The following CNTN5 variants were observed in gnomAD, a reference collection of about 807,000 sequenced individuals.
CNTN5 encodes the protein contactin-5.
CNTN5 carries 77 observed loss-of-function variants against 129.1 expected under a neutral mutation model. The observed-to-expected ratio is 0.60, with a 90% CI of 0.50 to 0.72. The LOEUF (loss-of-function observed/expected upper bound fraction) is 0.72. Ranked by LOEUF, CNTN5 falls within the 30% of genes least tolerant of loss-of-function variation. The pLI is 0.00. For synonymous variants in CNTN5, 509 were observed against 465.6 expected (o/e 1.09, Z -1.20); for missense variants, 1,478 against 1,328.8 (o/e 1.11, Z -1.75).
At chr11:99,936,513 A>T (rs2136096120) in intron 7 of CNTN5, among the ~76,000 whole-genome samples, 1 of 152,204 alleles carries the variant, frequency 6.6e-6, no homozygotes, top group South Asian at 2.1e-4. Flanking sequence ...TTTGAACAAG[A>T]TGAGAAGAAA....
At chr11:100,121,410 A>AT (rs1345434043) in intron 13 of CNTN5, among the ~76,000 whole-genome samples, 1 of 150,608 alleles carries the variant, frequency 6.6e-6, no homozygotes, top group East Asian at 2.0e-4. Flanking sequence ...AATAGAGGAG[A>AT]TTTTTTTCTT....
At chr11:100,155,196 T>A (rs534510368) in intron 13 of CNTN5, among the ~76,000 whole-genome samples, 1 of 152,332 alleles carries the variant, frequency 6.6e-6, no homozygotes, top group Admixed American at 6.5e-5. Context: ...TTAATTTTTG[T>A]ATAAGGTGTA....
chr11:99,313,121 T>G (rs1007905733), intron 1 of CNTN5, among the ~76,000 whole-genome samples: 22 of 151,964 alleles, frequency 1.4e-4, no homozygotes, highest in African/African-American at 5.1e-4. Context: ...TTTTTTTTTT[T>G]TTTCTATCAC....
chr11:99,264,224 T>C (rs1862777915), intron 1 of CNTN5, among the ~76,000 whole-genome samples: 1 of 151,306 alleles, frequency 6.6e-6, no homozygotes, highest in African/African-American at 2.4e-5. Flanking sequence ...TTTAATATTA[T>C]TTAATAATAT....
At chr11:100,024,145 T>C (rs1941295609) in intron 9 of CNTN5, among the ~76,000 whole-genome samples, 1 of 152,174 alleles carries the variant, frequency 6.6e-6, no homozygotes, top group Admixed American at 6.5e-5. Context: ...AACTGAATCA[T>C]GAAGGCAGTT....
At chr11:99,556,088 G>C (rs1948654279) in intron 2 of CNTN5, 57 bp from the exon 3 acceptor site, 2 of 477,740 alleles carry the variant, frequency 4.2e-6, no homozygotes, top group Middle Eastern at 6.0e-4. Context: ...TGTATTTGTT[G>C]GCTTTTCTGT....
chr11:99,326,351 A>G (rs149057020), intron 2 of CNTN5, among the ~76,000 whole-genome samples: 68 of 152,270 alleles, frequency 4.5e-4, no homozygotes, highest in African/African-American at 1.5e-3. Context: ...AGTGTACCCA[A>G]TTTCAAGGCT....
chr11:100,094,316 G>A (rs1361400805), intron 13 of CNTN5, among the ~76,000 whole-genome samples: 2 of 151,820 alleles, frequency 1.3e-5, no homozygotes, highest in African/African-American at 4.8e-5. Context: ...CCTCCAACTG[G>A]GTAAGAACTC....
At chr11:99,365,396 A>G (rs1243497619) in intron 2 of CNTN5, among the ~76,000 whole-genome samples, 5 of 152,328 alleles carry the variant, frequency 3.3e-5, no homozygotes, top group African/African-American at 1.2e-4. Context: ...GTATAGCACA[A>G]GCCTACATCT....
chr11:99,039,361 C>T (rs1232067679), intron 1 of CNTN5, among the ~76,000 whole-genome samples: 1 of 152,122 alleles, frequency 6.6e-6, no homozygotes, highest in Non-Finnish European at 1.5e-5. Flanking sequence ...TCAGACCAAT[C>T]CCTTCTCCAC....
At chr11:99,527,418 C>G (rs959306475) in intron 2 of CNTN5, among the ~76,000 whole-genome samples, 2 of 151,976 alleles carry the variant, frequency 1.3e-5, no homozygotes, top group East Asian at 1.9e-4. Flanking sequence ...TCAGAGACAC[C>G]AAGTCTTTAA....
chr11:99,257,087 A>G (rs1245718980), intron 1 of CNTN5, among the ~76,000 whole-genome samples: 1 of 152,102 alleles, frequency 6.6e-6, no homozygotes, highest in Non-Finnish European at 1.5e-5. Context: ...AGGGTCTGTT[A>G]CATGTGTTAG....
chr11:99,808,890 A>G (rs770991020), intron 3 of CNTN5, among the ~76,000 whole-genome samples: 1 of 152,256 alleles, frequency 6.6e-6, no homozygotes, highest in Admixed American at 6.5e-5. Flanking sequence ...TGAGCATCAC[A>G]GTGAGCCTGT....
At chr11:99,038,838 TAATGAAAGATGTATTATACATTATA>T (rs1171406412) in intron 1 of CNTN5, among the ~76,000 whole-genome samples, 1 of 151,906 alleles carries the variant, frequency 6.6e-6, no homozygotes, top group Non-Finnish European at 1.5e-5. Context: ...ATTCATTTTA[TAATGAAAGATGTATTATACATTATA>T]TTTGGACTTC....
chr11:99,100,300 G>A (rs950541209), intron 1 of CNTN5, among the ~76,000 whole-genome samples: 2 of 151,872 alleles, frequency 1.3e-5, no homozygotes, highest in Non-Finnish European at 2.9e-5. Context: ...ATAATATAAA[G>A]CAAATTCCAG....
intron 2 of CNTN5, among the ~76,000 whole-genome samples, chr11:99,448,520 A>G (rs1314026544): frequency 1.3e-5 from 2 of 152,032 alleles, no homozygotes; most frequent in Non-Finnish European, 2.9e-5. Context: ...TACATTATTT[A>G]TCTAGTTAAA....
At chr11:100,242,334 T>C (rs1949759294) in intron 16 of CNTN5, among the ~76,000 whole-genome samples, 1 of 152,202 alleles carries the variant, frequency 6.6e-6, no homozygotes, top group Admixed American at 6.5e-5. Context: ...CACTTTTTTT[T>C]CTTCATTGCG....
At chr11:99,226,560 CAGGCCA>C in intron 1 of CNTN5, among the ~76,000 whole-genome samples, 1 of 152,292 alleles carries the variant, frequency 6.6e-6, no homozygotes, top group South Asian at 2.1e-4. Context: ...ACCTCGATAA[CAGGCCA>C]TATTCATCAT....
At chr11:99,452,159 AT>A (rs1222874692) in intron 2 of CNTN5, among the ~76,000 whole-genome samples, 4 of 152,134 alleles carry the variant, frequency 2.6e-5, no homozygotes, top group Non-Finnish European at 5.9e-5. Flanking sequence ...TGCTGACTTA[AT>A]TCATTGATAT....
Sources: allele counts gnomAD v4.1 joint callset (sites outside exome capture counted in the v4.1 genomes callset), GRCh38; gene constraint gnomAD v4.1.1; transcripts MANE v1.5; gene names NCBI Gene and HGNC (gene_info 2026-07-23, HGNC 2026-07-21).